Variants in AKAP19 observed in about 807,000 individuals in gnomAD.
AKAP19 encodes the protein small A-kinase anchoring protein.
At chr2:190,036,598 A>ATT in the AKAP19 span, among the ~76,000 whole-genome samples, 1 of 151,238 alleles carries the variant, frequency 6.6e-6, no homozygotes, top group African/African-American at 2.4e-5. Flanking sequence ...TTTTGGTAGT[A>ATT]TTTTTTTTTT....
chr2:189,927,680 A>G, the AKAP19 span, among the ~76,000 whole-genome samples: 1 of 152,176 alleles, frequency 6.6e-6, no homozygotes, highest in African/African-American at 2.4e-5. Context: ...TTTTCCCTAA[A>G]AATAAGGATA....
At chr2:190,141,942 G>A in the AKAP19 span, among the ~76,000 whole-genome samples, 1 of 152,170 alleles carries the variant, frequency 6.6e-6, no homozygotes, top group Non-Finnish European at 1.5e-5. Context: ...GGATTAGCAG[G>A]TGATTGGCGG....
the AKAP19 span, among the ~76,000 whole-genome samples, chr2:190,066,938 C>G: frequency 6.6e-6 from 1 of 152,062 alleles, no homozygotes; most frequent in African/African-American, 2.4e-5. Flanking sequence ...TTCAGGAAAC[C>G]TATGGACTAG....
chr2:190,027,426 T>C, the AKAP19 span, among the ~76,000 whole-genome samples: 1 of 152,184 alleles, frequency 6.6e-6, no homozygotes, highest in South Asian at 2.1e-4. Flanking sequence ...TTAGTAGACT[T>C]TTGGTTTCCA....
At chr2:190,115,146 T>A in the AKAP19 span, among the ~76,000 whole-genome samples, 1 of 114,008 alleles carries the variant, frequency 8.8e-6, no homozygotes, top group African/African-American at 3.1e-5. Context: ...AAAGAGTGTG[T>A]GTGTGTGAGT....
the AKAP19 span, among the ~76,000 whole-genome samples, chr2:189,948,898 CT>C: frequency 1.5e-4 from 22 of 148,572 alleles, no homozygotes; most frequent in East Asian, 2.2e-3. Context: ...GGTATTTAAA[CT>C]TTTTTTTTTA....
At chr2:189,951,444 C>T in the AKAP19 span, among the ~76,000 whole-genome samples, 1 of 152,068 alleles carries the variant, frequency 6.6e-6, no homozygotes, top group South Asian at 2.1e-4. Flanking sequence ...ACCAAGTAAT[C>T]CGCCCACCTT....
At chr2:189,987,914 T>G in the AKAP19 span, among the ~76,000 whole-genome samples, 7 of 152,040 alleles carry the variant, frequency 4.6e-5, no homozygotes, top group Admixed American at 2.0e-4. Context: ...CAGAGCTGGC[T>G]GTGCGGGAGA....
chr2:189,922,644 C>G, the AKAP19 span, among the ~76,000 whole-genome samples: 1 of 152,210 alleles, frequency 6.6e-6, no homozygotes, highest in Admixed American at 6.5e-5. Flanking sequence ...TGAGGTTGAA[C>G]AAGTCAACAT....
chr2:190,132,834 G>A, the AKAP19 span, among the ~76,000 whole-genome samples: 1 of 152,216 alleles, frequency 6.6e-6, no homozygotes, highest in South Asian at 2.1e-4. Flanking sequence ...ATAATCAACA[G>A]AGTGAAAAGA....
At chr2:190,039,331 G>A in the AKAP19 span, among the ~76,000 whole-genome samples, 2 of 151,950 alleles carry the variant, frequency 1.3e-5, no homozygotes, top group South Asian at 2.1e-4. Context: ...CACTGGCCTC[G>A]GCCTCCCAAA....
At chr2:190,132,211 C>T in the AKAP19 span, among the ~76,000 whole-genome samples, 43 of 152,194 alleles carry the variant, frequency 2.8e-4, no homozygotes, top group Middle Eastern at 3.4e-3. Context: ...TGTTAAATGT[C>T]CATATTACAA....
the AKAP19 span, among the ~76,000 whole-genome samples, chr2:190,036,935 A>T: frequency 2.6e-5 from 4 of 152,338 alleles, no homozygotes; most frequent in African/African-American, 9.6e-5. Flanking sequence ...TACTAACCAA[A>T]TTTTGGCAAT....
chr2:189,879,927 C>A, the AKAP19 span: 1 of 152,272 alleles, frequency 6.6e-6, no homozygotes, highest in East Asian at 1.9e-4. Context: ...GGAAGTCAGA[C>A]CTGCAGGCCC....
chr2:189,932,407 C>CAAA, the AKAP19 span, among the ~76,000 whole-genome samples: 1 of 124,080 alleles, frequency 8.1e-6, no homozygotes, highest in African/African-American at 3.0e-5. Context: ...GACTCCAACT[C>CAAA]AAAAAAAAAA....
the AKAP19 span, chr2:189,879,878 A>C: frequency 3.3e-5 from 5 of 152,240 alleles, no homozygotes; most frequent in Non-Finnish European, 7.3e-5. Flanking sequence ...TTAGGATCCC[A>C]GCCTTCGCTA....
the AKAP19 span, among the ~76,000 whole-genome samples, chr2:189,932,620 G>T: frequency 1.3e-5 from 2 of 150,870 alleles, no homozygotes; most frequent in Admixed American, 1.3e-4. Flanking sequence ...CAGAAGGATT[G>T]CTTGAACCTG....
chr2:190,071,862 G>A, the AKAP19 span, among the ~76,000 whole-genome samples: 109,095 of 151,730 alleles, frequency 0.72, 41,044 homozygotes, highest in East Asian at 0.92. Flanking sequence ...TAACAAAAAA[G>A]AACTGGAGTC....
At chr2:190,034,963 C>T in the AKAP19 span, among the ~76,000 whole-genome samples, 4 of 151,468 alleles carry the variant, frequency 2.6e-5, no homozygotes, top group Non-Finnish European at 2.9e-5. Context: ...TGACCTATTA[C>T]CCAGATTTAA....
Sources: gnomAD v4.1 joint callset for allele counts (sites outside exome capture counted in the v4.1 genomes callset) on GRCh38, gnomAD v4.1.1 for gene constraint, MANE v1.5 for transcripts, NCBI Gene and HGNC (gene_info 2026-07-23, HGNC 2026-07-21) for gene names.